The following SLC19A3 variants were observed in gnomAD, a reference collection of about 807,000 sequenced individuals.
The protein encoded by SLC19A3 is solute carrier family 19 member 3.
Under a neutral mutation model 40.2 loss-of-function variants are expected in SLC19A3, and 31 were observed. That is an observed-to-expected ratio of 0.77 (90% CI 0.58 to 1.04). The LOEUF (loss-of-function observed/expected upper bound fraction) is 1.04. Ranked by LOEUF, SLC19A3 falls within the 50% of genes least tolerant of loss-of-function variation. The pLI, the probability that SLC19A3 is intolerant of heterozygous loss-of-function variation, is 0.00. For missense variants in SLC19A3, 592 were observed against 596.7 expected, an observed-to-expected ratio of 0.99 and a Z score of 0.08; for synonymous variants, 212 against 227.5, an observed-to-expected ratio of 0.93 and a Z score of 0.61.
Position 227,687,524 on chromosome 2 carries a change from A to T in SLC19A3, c.1364T>A (p.Met455Lys), listed in dbSNP as rs1308805272. ...YFAVIAGIFL[M>K]RSMYITYSTK... ...TGAGTAGGTAATATACATGCTTCTC[A>T]TTAGGAAAATTCCAGCAATTACTGC... The change falls in exon 6 of 6, where the codon ATG becomes AAG. Residue 455 changes from methionine (M) to lysine (K), a missense_variant. Transcript: ENST00000644224. The T allele has an allele frequency of 3.1e-6, 5 of 1,614,128 alleles. No homozygotes were observed. Among genetic ancestry groups the T allele is most frequent in the Non-Finnish European group, 4.2e-6 (5 of 1,179,988 alleles).
intron 1 of SLC19A3, among the ~76,000 whole-genome samples, chr2:227,712,890 G>A (rs1358462671): frequency 6.6e-6 from 1 of 152,146 alleles, no homozygotes; most frequent in East Asian, 1.9e-4. Flanking sequence ...AAATCGGATT[G>A]GTGGTTGCCT....
chr2:227,702,492 C>G (rs915197606), intron 1 of SLC19A3, 172 bp from the exon 2 acceptor site: 5 of 624,118 alleles, frequency 8.0e-6, no homozygotes, highest in Non-Finnish European at 1.4e-5. Flanking sequence ...CTCCCGGGCT[C>G]AAGCCATTCT....
In SLC19A3 at chr2:227,695,994, T is replaced by C; in HGVS notation, c.1067A>G (p.Asn356Ser). 5 of 1,614,142 alleles carry C rather than the reference T, an allele frequency of 3.1e-6. No homozygotes were observed. Among genetic ancestry groups the C allele is most frequent in the Non-Finnish European group, 4.2e-6 (5 of 1,180,040 alleles). Reference protein sequence around the residue: ...ELALVVFSVVNAGSLFLMHYT... With the variant: ...ELALVVFSVVSAGSLFLMHYT... The stretch of plus-strand genomic sequence containing the variant: ...ATGCATGAGAAATAAAGAACCGGCA[T>C]TGACAACTGAGAAGACCACCAGAGC... The change falls in exon 4 of 6, where the codon AAT becomes AGT. Residue 356 changes from asparagine to serine, a missense_variant. Asn to Ser is a conservative substitution (Grantham distance 46). Coordinates refer to ENST00000644224, the MANE Select transcript of SLC19A3 (RefSeq NM_025243.4).
intron 2 of SLC19A3, chr2:227,700,993 A>T: frequency 7.7e-7 from 1 of 1,304,286 alleles, no homozygotes; most frequent in Non-Finnish European, 1.0e-6. Context: ...TGCTCCTTGG[A>T]GGGAAGGTCT....
chr2:227,701,788 A>AT (rs1695705496), intron 2 of SLC19A3: 1 of 174,930 alleles, frequency 5.7e-6, no homozygotes, highest in African/African-American at 2.4e-5. Flanking sequence ...AAATACCACA[A>AT]TTTTTTATGA....
At chr2:227,690,081 A>T (rs1695162723) in intron 4 of SLC19A3, among the ~76,000 whole-genome samples, 1 of 152,328 alleles carries the variant, frequency 6.6e-6, no homozygotes, top group African/African-American at 2.4e-5. Flanking sequence ...AAGAAAGAAA[A>T]GGAAAAACAC....
In SLC19A3 at chr2:227,693,832, G is replaced by A. The variant is rs116852401; in HGVS notation, c.1172+2057C>T. Among the ~76,000 whole-genome samples, 228 of 151,918 alleles carry A rather than the reference G, an allele frequency of 1.5e-3. 3 individuals are homozygous for A. The East Asian group carries it at 0.043, about 28-fold the overall frequency. On this transcript the variant is annotated intron_variant, in intron 4 of 5. Transcript: ENST00000644224. Reference sequence around the variant, plus strand: ...TTTGCAAACTACCCATGTGACAAGGGATTAAAAACCAGAATATATAAGGAG... The same window carrying A: ...TTTGCAAACTACCCATGTGACAAGGAATTAAAAACCAGAATATATAAGGAG...
chr2:227,708,505 G>A (rs1232370083), intron 1 of SLC19A3, among the ~76,000 whole-genome samples: 6 of 151,992 alleles, frequency 3.9e-5, no homozygotes, highest in African/African-American at 9.7e-5. Flanking sequence ...AGGCTGAGGC[G>A]GGAGGATTGC....
intron 3 of SLC19A3, 47 bp from the exon 4 acceptor site, chr2:227,696,128 A>T (rs200416884): frequency 6.3e-7 from 1 of 1,580,436 alleles, no homozygotes; most frequent in African/African-American, 1.3e-5. Context: ...CTTTGCATGC[A>T]GGAAAATATC....
At chr2:227,715,259 A>C (rs75840339) in intron 1 of SLC19A3, among the ~76,000 whole-genome samples, 42 of 111,108 alleles carry the variant, frequency 3.8e-4, no homozygotes, top group Admixed American at 3.1e-3. Flanking sequence ...CACCCCCCCC[A>C]AAAAAAAATC....
chr2:227,697,392 T>C (rs1444404814), intron 3 of SLC19A3, among the ~76,000 whole-genome samples: 1 of 152,192 alleles, frequency 6.6e-6, no homozygotes, highest in Admixed American at 6.5e-5. Context: ...AAGCTTCCAG[T>C]TACTAGGAAA....
rs6713116 is a variant in SLC19A3, at chr2:227,702,382, C to T, written c.-2-62G>A. On this transcript the variant is annotated intron_variant, in intron 1 of 5. Transcript: ENST00000644224. ...CTTATTCTTTTTAGCATCCTTGATGCGATGAAAACCTGATTTTTTTTTTTT... is the reference window on the plus strand; with the variant it reads ...CTTATTCTTTTTAGCATCCTTGATGTGATGAAAACCTGATTTTTTTTTTTT... 0.16 allele frequency: 244,884 copies of T among 1,514,910 alleles called. 20,470 individuals carry two copies. Among genetic ancestry groups the T allele is most frequent in the Admixed American group, 0.32 (17,092 of 52,722 alleles). 93.8% of individuals were successfully genotyped at this position (1,514,910 alleles called of 1,614,324 possible). A position where few individuals can be genotyped will look rare whatever the true frequency, so the allele number is the denominator to read the frequency against.
chr2:227,694,076 G>A (rs1695335577), intron 4 of SLC19A3, among the ~76,000 whole-genome samples: 1 of 152,164 alleles, frequency 6.6e-6, no homozygotes, highest in African/African-American at 2.4e-5. Flanking sequence ...AAATGCTGAT[G>A]AGAATGTGCA....
chr2:227,684,191 A>G lies in SLC19A3; in HGVS notation c.*3206T>C, dbSNP rs1199923958. 1 of 152,158 alleles carries G rather than the reference A, an allele frequency of 6.6e-6. No individual in the cohort carries two copies. Among genetic ancestry groups the G allele is most frequent in the African/African-American group, 2.4e-5 (1 of 41,436 alleles). The allele number at this position is 152,158 out of a possible 1,614,324, so 9.4% of individuals were successfully genotyped here. ...CAAATGCTGAGTTGCTGCGTTCATT[A>G]TTATTTTGGTGCTTGACTTTTTTCC... On this transcript the variant is annotated 3_prime_UTR_variant, in exon 6 of 6. Coordinates refer to ENST00000644224, the MANE Select transcript of SLC19A3 (RefSeq NM_025243.4).
At chr2:227,705,334 A>C (rs7601817) in intron 1 of SLC19A3, among the ~76,000 whole-genome samples, 58,124 of 151,168 alleles carry the variant, frequency 0.38, 13,421 homozygotes, top group East Asian at 0.77. Context: ...GGCTCAGTGG[A>C]TCATGCCTGT....
chr2:227,703,382 C>T lies in SLC19A3; in HGVS notation c.-2-1062G>A, dbSNP rs915603466. On this transcript the variant is annotated intron_variant, in intron 1 of 5. Transcript: ENST00000644224. The surrounding 1 kb of genome is among the most constrained non-coding windows in gnomAD (Gnocchi z 4.7). ...AAGGACCTACTAGGTCACATCATTG[C>T]GGCTTGCCACTCACCCTACCCTTTC... 1.4e-4 allele frequency among the ~76,000 whole-genome samples: 22 copies of T among 152,208 alleles called. No homozygotes were observed. Among genetic ancestry groups the T allele is most frequent in the African/African-American group, 4.3e-4 (18 of 41,522 alleles).
At chr2:227,695,639 A>C in intron 4 of SLC19A3, 1 of 492,658 alleles carries the variant, frequency 2.0e-6, no homozygotes, top group Non-Finnish European at 3.7e-6. Context: ...AAAACCTGAC[A>C]ATGTATCACT....
At chr2:227,693,843 AG>A (rs1399479113) in intron 4 of SLC19A3, among the ~76,000 whole-genome samples, 1 of 152,298 alleles carries the variant, frequency 6.6e-6, no homozygotes, top group East Asian at 1.9e-4. Flanking sequence ...ATTAAAAACC[AG>A]AATATATAAG....
rs72170094 is a variant in SLC19A3, at chr2:227,706,047, G to GA, written c.-2-3728dup. ...TGGGCGACAGAGTGAGATCCTGTCT[G>GA]AAAAAAAAAAATGCAGAAGAAAAAA... On this transcript the variant is annotated intron_variant, in intron 1 of 5. Coordinates refer to ENST00000644224, the MANE Select transcript of SLC19A3 (RefSeq NM_025243.4). 3.0e-3 allele frequency among the ~76,000 whole-genome samples: 436 copies of GA among 146,292 alleles called. 1 individual carries two copies. The highest frequency in any genetic ancestry group is 8.5e-3 in the African/African-American group (340 of 40,044).
Sources: gnomAD v4.1 joint callset for allele counts (sites outside exome capture counted in the v4.1 genomes callset) on GRCh38, gnomAD v4.1.1 for gene constraint, Gnocchi (gnomAD v3.1) non-coding constraint, MANE v1.5 for transcripts, NCBI Gene and HGNC (gene_info 2026-07-23, HGNC 2026-07-21) for gene names.